RAD21: variants seen among roughly 807,000 people sequenced by gnomAD.
The protein encoded by RAD21 is double-strand-break repair protein rad21 homolog.
In RAD21, 18 loss-of-function variants were observed where a neutral mutation model predicts 71.5. That is an observed-to-expected ratio of 0.25 (90% CI 0.17 to 0.37). The LOEUF (loss-of-function observed/expected upper bound fraction) is 0.37. Among genes scored for constraint, RAD21 ranks in the 10% least tolerant of loss-of-function variants. The probability of loss-of-function intolerance (pLI) is 1.00; values close to 1 mark genes in which losing one functional copy is unlikely to be tolerated. For synonymous variants in RAD21, 248 were observed against 254.0 expected (o/e 0.98, Z 0.22); for missense variants, 493 against 769.1 (o/e 0.64, Z 4.25).
intron 1 of RAD21, among the ~76,000 whole-genome samples, chr8:116,872,539 TAC>T (rs5894355): frequency 0.24 from 35,203 of 148,118 alleles, 4,179 homozygotes; most frequent in South Asian, 0.38. Context: ...TATATATACA[TAC>T]ACACACACAC....
chr8:116,847,816 T>C (rs1021023612), intron 13 of RAD21, 125 bp from the exon 14 acceptor site: 24 of 937,536 alleles, frequency 2.6e-5, no homozygotes, highest in Middle Eastern at 3.0e-4. Flanking sequence ...TTCCCAGTGT[T>C]AGAGATGGAG....
chr8:116,850,977 GA>G, intron 11 of RAD21: 1 of 364,490 alleles, frequency 2.7e-6, no homozygotes, highest in Non-Finnish European at 4.9e-6. Flanking sequence ...AAAAGAAACT[GA>G]CTGCTTATCC....
At chr8:116,857,506 A>T in intron 5 of RAD21, 33 bp from the exon 6 acceptor site, 1 of 1,558,216 alleles carries the variant, frequency 6.4e-7, no homozygotes, top group Non-Finnish European at 8.8e-7. Flanking sequence ...TTAGTTTAGA[A>T]AGATTAGAAA....
At chr8:116,850,100 C>T (rs1443762763) in intron 12 of RAD21, among the ~76,000 whole-genome samples, 1 of 152,086 alleles carries the variant, frequency 6.6e-6, no homozygotes, top group Non-Finnish European at 1.5e-5. Context: ...AAATTGATTC[C>T]TAAAACACCT....
intron 1 of RAD21, among the ~76,000 whole-genome samples, chr8:116,867,512 C>T (rs145603253): frequency 2.2e-4 from 33 of 152,188 alleles, no homozygotes; most frequent in South Asian, 4.1e-4. Flanking sequence ...TAAGAAAGGC[C>T]GCTTGAAAAC....
At chr8:116,851,861 A>C in intron 11 of RAD21, 87 bp downstream of exon 11, 1 of 1,399,838 alleles carries the variant, frequency 7.1e-7, no homozygotes, top group Non-Finnish European at 9.8e-7. Flanking sequence ...CAAAACCAAG[A>C]TACTTTAAAA....
At chr8:116,872,599 TATTC>T (rs778083880) in intron 1 of RAD21, among the ~76,000 whole-genome samples, 1 of 152,032 alleles carries the variant, frequency 6.6e-6, no homozygotes, top group Non-Finnish European at 1.5e-5. Context: ...GTACACCACC[TATTC>T]AAAGTAAAAA....
In RAD21 at chr8:116,846,083, C is replaced by A. The variant is rs1368885896; in HGVS notation, c.*1417G>T. ...AATGACCTTTCTAAAATCAAACATT[C>A]AATTATCTACAATGTCTTTTTACAA... On this transcript the variant is annotated 3_prime_UTR_variant, in exon 14 of 14. Transcript: ENST00000297338. The A allele has an allele frequency of 3.0e-5, 7 of 230,746 alleles. No homozygotes were observed. The highest frequency in any genetic ancestry group is 2.6e-5 in the Non-Finnish European group (3 of 116,372). The allele number at this position is 230,746 out of a possible 1,614,324, so 14.3% of individuals were successfully genotyped here.
intron 12 of RAD21, 143 bp downstream of exon 12, chr8:116,850,475 A>G (rs1812326091): frequency 2.6e-5 from 35 of 1,338,912 alleles, no homozygotes; most frequent in Non-Finnish European, 3.5e-5. Flanking sequence ...AATACCACGA[A>G]GAATATGGTA....
intron 1 of RAD21, among the ~76,000 whole-genome samples, chr8:116,872,906 G>C (rs1372807449): frequency 6.6e-6 from 1 of 152,194 alleles, no homozygotes; most frequent in Non-Finnish European, 1.5e-5. Flanking sequence ...GACAGTCGTA[G>C]GTTCAAATTA....
At chr8:116,863,356 A>C in intron 2 of RAD21, 97 bp from the exon 3 acceptor site, 1 of 1,339,838 alleles carries the variant, frequency 7.5e-7, no homozygotes, top group Non-Finnish European at 1.0e-6. Flanking sequence ...TTATAATCAC[A>C]TACATTTCTC....
chr8:116,852,400 A>AT, intron 10 of RAD21, 149 bp downstream of exon 10: 1 of 883,550 alleles, frequency 1.1e-6, no homozygotes, highest in South Asian at 2.1e-5. Context: ...TCATACTTAA[A>AT]TAAGGCAATC....
In RAD21 at chr8:116,847,490, T is replaced by C. The variant is rs1244451050; in HGVS notation, c.*10A>G. 6.3e-7 allele frequency: 1 copy of C among 1,599,268 alleles called. No individual in the cohort carries two copies. Among genetic ancestry groups the C allele is most frequent in the Non-Finnish European group, 8.5e-7 (1 of 1,172,668 alleles). The stretch of plus-strand genomic sequence containing the variant: ...GTGAATCAAACACTAGCTATAATGC[T>C]TCTAGCTCCTTATATAATATGGAAC... On this transcript the variant is annotated 3_prime_UTR_variant, in exon 14 of 14. Coordinates refer to ENST00000297338, the MANE Select transcript of RAD21 (RefSeq NM_006265.3).
chr8:116,853,240 G>A (rs1386195377), intron 9 of RAD21, among the ~76,000 whole-genome samples: 1 of 151,994 alleles, frequency 6.6e-6, no homozygotes, highest in African/African-American at 2.4e-5. Context: ...CACCACACAC[G>A]GCTAATTTTT....
In RAD21 at chr8:116,856,285, C is replaced by T. The variant is rs2130466790; in HGVS notation, c.818G>A (p.Gly273Asp). Reference protein sequence around the residue: ...DMDEDDNVSMGGPDSPDSVDP... With the variant: ...DMDEDDNVSMDGPDSPDSVDP... The stretch of plus-strand genomic sequence containing the variant: ...CACTGAATCAGGACTATCAGGCCCA[C>T]CCACTGTAAAAAAAAAAAAAAAAAA... Residue 273 changes from glycine (G) to aspartate (D), a missense_variant, in exon 8 of 14, where the codon GGT becomes GAT. Physicochemically the swap from Gly to Asp is moderately conservative, Grantham distance 94. This residue lies in a region of RAD21 where 165 missense variants were observed against 229.6 expected (regional missense o/e 0.72). Coordinates refer to ENST00000297338, the MANE Select transcript of RAD21 (RefSeq NM_006265.3). The T allele has an allele frequency of 6.9e-7, 1 of 1,445,856 alleles. No homozygotes were observed. The highest frequency in any genetic ancestry group is 9.0e-7 in the Non-Finnish European group (1 of 1,111,622). The allele number at this position is 1,445,856 out of a possible 1,614,324, so 89.6% of individuals were successfully genotyped here.
intron 8 of RAD21, among the ~76,000 whole-genome samples, chr8:116,855,122 T>C (rs530508370): frequency 6.6e-6 from 1 of 152,132 alleles, no homozygotes; most frequent in South Asian, 2.1e-4. Context: ...CCAAAGGTTT[T>C]TGGTTCAACA....
In RAD21 at chr8:116,872,539, TACACAC is replaced by T. The variant is rs5894355; in HGVS notation, c.-33+2066_-33+2071del. 2.9e-3 allele frequency among the ~76,000 whole-genome samples: 435 copies of T among 148,350 alleles called. 4 individuals carry two copies. Among genetic ancestry groups the T allele is most frequent in the African/African-American group, 8.6e-3 (345 of 40,280 alleles). ...GTACTGTTTGATATATATATATACA[TACACAC>T]ACACACACACACACACACACATATT... On this transcript the variant is annotated intron_variant, in intron 1 of 13. Transcript: ENST00000297338.
intron 12 of RAD21, 62 bp from the exon 13 acceptor site, chr8:116,849,091 T>C (rs1490564009): frequency 6.4e-6 from 8 of 1,243,544 alleles, no homozygotes; most frequent in Non-Finnish European, 7.7e-6. Flanking sequence ...GAAGTATTTC[T>C]ACATCTCCTA....
chr8:116,856,396 T>C, intron 7 of RAD21, 108 bp from the exon 8 acceptor site: 1 of 1,329,152 alleles, frequency 7.5e-7, no homozygotes. Context: ...AAAGAAATCC[T>C]GTTATTACTA....
Sources: allele counts gnomAD v4.1 joint callset (sites outside exome capture counted in the v4.1 genomes callset), GRCh38; gene constraint gnomAD v4.1.1; regional missense constraint gnomAD v4.1.1; transcripts MANE v1.5; gene names NCBI Gene and HGNC (gene_info 2026-07-23, HGNC 2026-07-21).